The following NELL2 variants were observed in gnomAD, a reference collection of about 807,000 sequenced individuals.
The protein encoded by NELL2 is protein kinase C-binding protein NELL2.
In NELL2, 41 loss-of-function variants were observed where a neutral mutation model predicts 109.6. That is an observed-to-expected ratio of 0.37 (90% confidence interval 0.29 to 0.49). The LOEUF is 0.49. NELL2 is among the 20% of genes least tolerant of loss of function. The pLI, the probability that NELL2 is intolerant of heterozygous loss-of-function variation, is 0.98. For synonymous variants in NELL2, 355 were observed against 344.7 expected (o/e 1.03, Z -0.33); for missense variants, 900 against 1,008.3 (o/e 0.89, Z 1.45).
intron 12 of NELL2, among the ~76,000 whole-genome samples, chr12:44,677,346 T>C (rs183166935): frequency 6.6e-6 from 1 of 152,210 alleles, no homozygotes; most frequent in Admixed American, 6.5e-5. Flanking sequence ...TATATACACA[T>C]GCTGTAAAAT....
At chr12:44,854,817 A>G (rs1221741118) in intron 2 of NELL2, among the ~76,000 whole-genome samples, 1 of 152,164 alleles carries the variant, frequency 6.6e-6, no homozygotes, top group East Asian at 1.9e-4. Context: ...AAGTTACTTA[A>G]ATGTTGGAAC....
intron 13 of NELL2, among the ~76,000 whole-genome samples, chr12:44,620,695 C>T (rs1334559489): frequency 6.6e-6 from 1 of 152,082 alleles, no homozygotes; most frequent in Non-Finnish European, 1.5e-5. Context: ...TTCTCACTCC[C>T]CACATTTATC....
At chr12:44,716,658 T>C (rs1278577686) in intron 9 of NELL2, among the ~76,000 whole-genome samples, 1 of 152,100 alleles carries the variant, frequency 6.6e-6, no homozygotes, top group Non-Finnish European at 1.5e-5. Flanking sequence ...TTTTATAAGA[T>C]AATGAGAATA....
intron 9 of NELL2, among the ~76,000 whole-genome samples, chr12:44,756,772 C>A (rs989634724): frequency 6.6e-5 from 10 of 152,024 alleles, no homozygotes; most frequent in African/African-American, 2.4e-4. Context: ...CAGGCTCTTC[C>A]ACTTCTTATA....
In NELL2 at chr12:44,520,019, G is replaced by A. The variant is rs986658381; in HGVS notation, c.2386C>T (p.Leu796Phe). ...SWIKHGTECT[L>F]CQCKNGHICC... is the part of the protein sequence containing the mutation. ...ATGGAGTTTACCTTGCACTGGCAGA[G>A]AGTACACTCAGTGCCATGTTTGATC... Residue 796 changes from leucine (L) to phenylalanine (F), a missense_variant, in exon 19 of 20, where the codon CTC (leucine) becomes TTC (phenylalanine). Physicochemically the swap from Leu to Phe is conservative, Grantham distance 22 (BLOSUM62 0). Around this residue, in one of 4 missense-constraint regions of NELL2, gnomAD observed 333 missense variants for 432.3 expected, o/e 0.77. Transcript: ENST00000429094. The A allele has an allele frequency of 1.2e-6, 2 of 1,614,046 alleles. No homozygotes were observed. The highest frequency in any genetic ancestry group is 1.7e-6 in the Non-Finnish European group (2 of 1,179,930).
intron 2 of NELL2, among the ~76,000 whole-genome samples, chr12:44,863,798 T>C (rs553635896): frequency 3.3e-4 from 50 of 152,334 alleles, no homozygotes; most frequent in South Asian, 1.0e-3. Flanking sequence ...AAATCACTTA[T>C]ATCTTCAGTA....
chr12:44,563,244 C>A (rs747305413), intron 15 of NELL2, among the ~76,000 whole-genome samples: 2 of 151,932 alleles, frequency 1.3e-5, no homozygotes, highest in Non-Finnish European at 2.9e-5. Context: ...AGCAAACCAC[C>A]ATGGCACATG....
chr12:44,815,911 T>C (rs1459001435), intron 3 of NELL2, 75 bp downstream of exon 3: 2 of 1,483,594 alleles, frequency 1.3e-6, no homozygotes, highest in Non-Finnish European at 1.8e-6. Flanking sequence ...AAGAAAGCTT[T>C]TGTTTACTTC....
rs187523689 is a variant in NELL2, at chr12:44,709,480, C to T, written c.1189+1812G>A. On this transcript the variant is annotated intron_variant, in intron 11 of 19. Transcript: ENST00000429094. Reference sequence around the variant, plus strand: ...TCTCAGCCAAGCCCGGCTTCCAGCCCTACAGCATTGAATGACCCCAGTTAA... The same window carrying T: ...TCTCAGCCAAGCCCGGCTTCCAGCCTTACAGCATTGAATGACCCCAGTTAA... Among the ~76,000 whole-genome samples the T allele has an allele frequency of 2.6e-3, 397 of 152,268 alleles. 3 individuals are homozygous for T. Among genetic ancestry groups the T allele is most frequent in the African/African-American group, 8.7e-3 (360 of 41,548 alleles).
intron 15 of NELL2, among the ~76,000 whole-genome samples, chr12:44,555,150 G>T (rs1943198744): frequency 6.6e-6 from 1 of 151,762 alleles, no homozygotes; most frequent in African/African-American, 2.4e-5. Flanking sequence ...GGGTTCAGGT[G>T]GAGGGGTCTG....
At chr12:44,575,951 T>G (rs1306057857) in intron 15 of NELL2, among the ~76,000 whole-genome samples, 1 of 152,204 alleles carries the variant, frequency 6.6e-6, no homozygotes, top group African/African-American at 2.4e-5. Context: ...CCATCATAGT[T>G]TGACCCCTAC....
intron 3 of NELL2, among the ~76,000 whole-genome samples, chr12:44,791,096 T>TATATACATACAC (rs1491151191): frequency 4.2e-5 from 1 of 23,852 alleles, no homozygotes; most frequent in African/African-American, 1.2e-4. Flanking sequence ...TATATATATA[T>TATATACATACAC]GTATATATAT....
chr12:44,638,319 A>G (rs535494828), intron 13 of NELL2, among the ~76,000 whole-genome samples: 11 of 152,242 alleles, frequency 7.2e-5, no homozygotes, highest in African/African-American at 2.6e-4. Flanking sequence ...TCCGCTAACA[A>G]ATGTCTCATA....
chr12:44,550,407 C>T (rs1309669589), intron 15 of NELL2, among the ~76,000 whole-genome samples: 2 of 134,386 alleles, frequency 1.5e-5, no homozygotes, highest in Non-Finnish European at 3.3e-5. Flanking sequence ...GCCACCATGC[C>T]AGGCTAATTT....
intron 13 of NELL2, among the ~76,000 whole-genome samples, chr12:44,630,954 A>T (rs1359620742): frequency 6.6e-6 from 1 of 151,990 alleles, no homozygotes; most frequent in Non-Finnish European, 1.5e-5. Flanking sequence ...CCCCTTGCCT[A>T]AAATCTTTTT....
chr12:44,825,689 C>A (rs1358059476), intron 2 of NELL2, among the ~76,000 whole-genome samples: 1 of 150,246 alleles, frequency 6.7e-6, no homozygotes, highest in Non-Finnish European at 1.5e-5. Context: ...AGCCACCGCA[C>A]CCAGCCTATT....
rs1340078473 is a variant in NELL2 at position 44,875,313 on chromosome 12, G to C, written c.96C>G (p.Val32=). The change falls in exon 2 of 20, where the codon GTC becomes GTG. Residue 32 remains valine (V), a synonymous_variant. Coordinates refer to ENST00000429094, the MANE Select transcript of NELL2 (RefSeq NM_001145108.2). ...LGVDPSLQID[V]LTELELGEST... is the part of the protein sequence containing the mutation. ...ACTCCCCAAGTTCTAACTCTGTTAA[G>C]ACGTCAATCTGTAGGGAAGGGTCCA... 3.1e-6 allele frequency: 5 copies of C among 1,614,036 alleles called. No individual in the cohort carries two copies. The highest frequency in any genetic ancestry group is 4.2e-6 in the Non-Finnish European group (5 of 1,180,032).
At chr12:44,808,334 T>C (rs903911508) in intron 3 of NELL2, among the ~76,000 whole-genome samples, 1 of 152,060 alleles carries the variant, frequency 6.6e-6, no homozygotes. Context: ...ATTTGCTTGT[T>C]TTAATTTACT....
chr12:44,764,993 C>T (rs534075886), intron 9 of NELL2, among the ~76,000 whole-genome samples: 1 of 152,212 alleles, frequency 6.6e-6, no homozygotes, highest in African/African-American at 2.4e-5. Context: ...TGCAAACTTA[C>T]AGGTCCCACC....
Sources: gnomAD v4.1 joint callset for allele counts (sites outside exome capture counted in the v4.1 genomes callset) on GRCh38, gnomAD v4.1.1 for gene constraint, gnomAD v4.1.1 regional missense constraint, MANE v1.5 for transcripts, NCBI Gene and HGNC (gene_info 2026-07-23, HGNC 2026-07-21) for gene names.